PLCB1: variants seen among roughly 807,000 people sequenced by gnomAD.
PLCB1 encodes the protein phospholipase C beta 1.
PLCB1 carries 46 observed loss-of-function variants against 161.8 expected under a neutral mutation model. The observed-to-expected ratio is 0.28, with a 90% CI of 0.22 to 0.36. The LOEUF is 0.36. PLCB1 is among the 10% of genes least tolerant of loss of function. The pLI is 1.00. For synonymous variants in PLCB1, 517 were observed against 503.7 expected (o/e 1.03, Z -0.35); for missense variants, 1,016 against 1,472.5 (o/e 0.69, Z 5.07).
At chr20:8,138,729 G>A (rs1320992928) in intron 1 of PLCB1, among the ~76,000 whole-genome samples, 1 of 152,094 alleles carries the variant, frequency 6.6e-6, no homozygotes, top group African/African-American at 2.4e-5. Context: ...AACTGAAATA[G>A]GATATAAAGG....
At chr20:8,417,054 C>T (rs227884) in intron 3 of PLCB1, among the ~76,000 whole-genome samples, 14,960 of 37,448 alleles carry the variant, frequency 0.4, 2,025 homozygotes, top group African/African-American at 0.45. Context: ...CACACACACA[C>T]ATATATATAT....
chr20:8,626,977 A>G (rs553726437), intron 3 of PLCB1, among the ~76,000 whole-genome samples: 15 of 152,296 alleles, frequency 9.8e-5, no homozygotes, highest in South Asian at 2.1e-4. Flanking sequence ...TTATTTAATA[A>G]AACTTTTGAT....
intron 3 of PLCB1, among the ~76,000 whole-genome samples, chr20:8,416,945 C>G (rs1979302607): frequency 6.7e-6 from 1 of 148,538 alleles, no homozygotes; most frequent in East Asian, 2.0e-4. Context: ...CACACACACA[C>G]ACACACACAC....
At chr20:8,535,949 A>G (rs1985032483) in intron 3 of PLCB1, among the ~76,000 whole-genome samples, 1 of 151,906 alleles carries the variant, frequency 6.6e-6, no homozygotes, top group African/African-American at 2.4e-5. Flanking sequence ...CTTTTGTATA[A>G]ATTTTTAAAC....
chr20:8,266,884 C>A (rs1281948184), intron 2 of PLCB1, among the ~76,000 whole-genome samples: 1 of 151,992 alleles, frequency 6.6e-6, no homozygotes, highest in Non-Finnish European at 1.5e-5. Context: ...ACTAAAAATA[C>A]AAAAATTAGC....
intron 2 of PLCB1, among the ~76,000 whole-genome samples, chr20:8,192,095 T>C (rs555360451): frequency 6.6e-6 from 1 of 152,128 alleles, no homozygotes; most frequent in East Asian, 1.9e-4. Flanking sequence ...ATAAGTAATA[T>C]AGACAAGGCA....
intron 3 of PLCB1, among the ~76,000 whole-genome samples, chr20:8,605,624 T>C (rs2123155921): frequency 6.6e-6 from 1 of 151,304 alleles, no homozygotes; most frequent in Admixed American, 6.6e-5. Flanking sequence ...TTTTTTTTTT[T>C]TTTTAAAGAA....
chr20:8,446,762 C>T (rs1023427396), intron 3 of PLCB1, among the ~76,000 whole-genome samples: 6 of 152,156 alleles, frequency 3.9e-5, no homozygotes, highest in Admixed American at 3.9e-4. Context: ...GTTTAGTGTA[C>T]TACTCAGATT....
At chr20:8,605,287 A>G (rs1428431677) in intron 3 of PLCB1, among the ~76,000 whole-genome samples, 5 of 152,026 alleles carry the variant, frequency 3.3e-5, no homozygotes, top group African/African-American at 1.2e-4. Flanking sequence ...CCCTTACCAT[A>G]TCAGATTTTT....
chr20:8,832,632 T>A (rs1426143780), intron 31 of PLCB1, among the ~76,000 whole-genome samples: 3 of 152,148 alleles, frequency 2.0e-5, no homozygotes, highest in Non-Finnish European at 4.4e-5. Flanking sequence ...AGCCAGATTA[T>A]AGGAATCCCT....
At chr20:8,689,802 G>T (rs1386102901) in intron 10 of PLCB1, among the ~76,000 whole-genome samples, 1 of 150,670 alleles carries the variant, frequency 6.6e-6, no homozygotes, top group African/African-American at 2.4e-5. Flanking sequence ...AAACACAGAT[G>T]TGGTAAAAAA....
chr20:8,864,801 G>A (rs1987371675), intron 31 of PLCB1, among the ~76,000 whole-genome samples: 1 of 152,156 alleles, frequency 6.6e-6, no homozygotes, highest in Non-Finnish European at 1.5e-5. Context: ...TTTCTCTAAA[G>A]CCATTTACCC....
chr20:8,384,654 T>C (rs925158849), intron 3 of PLCB1, among the ~76,000 whole-genome samples: 2 of 152,194 alleles, frequency 1.3e-5, no homozygotes, highest in Middle Eastern at 3.2e-3. Context: ...CTCGTCTTTA[T>C]GAGTTTGTCT....
chr20:8,739,676 G>T (rs1280220516), intron 21 of PLCB1, among the ~76,000 whole-genome samples: 1 of 152,200 alleles, frequency 6.6e-6, no homozygotes, highest in Admixed American at 6.5e-5. Context: ...TGTGCTTCAG[G>T]TTCTGGGTTG....
intron 2 of PLCB1, among the ~76,000 whole-genome samples, chr20:8,344,860 G>A (rs189307319): frequency 5.1e-4 from 77 of 152,298 alleles, no homozygotes; most frequent in South Asian, 2.1e-4. Flanking sequence ...ATGTTTGAAC[G>A]TTCAGGACAG....
chr20:8,223,679 A>G (rs1397780202), intron 2 of PLCB1, among the ~76,000 whole-genome samples: 1 of 152,210 alleles, frequency 6.6e-6, no homozygotes, highest in Non-Finnish European at 1.5e-5. Context: ...AAATACTTGT[A>G]GAATTCAAAA....
intron 3 of PLCB1, among the ~76,000 whole-genome samples, chr20:8,419,637 GACTAAGAT>G (rs1979452726): frequency 6.6e-6 from 1 of 151,364 alleles, no homozygotes; most frequent in South Asian, 2.1e-4. Context: ...AGGTGGGCCA[GACTAAGAT>G]ACGATGCTCA....
intron 3 of PLCB1, among the ~76,000 whole-genome samples, chr20:8,373,770 T>C (rs184662548): frequency 1.6e-4 from 25 of 152,264 alleles, no homozygotes; most frequent in Admixed American, 5.9e-4. Flanking sequence ...CTCACTTAAT[T>C]TGGAAATGTT....
chr20:8,429,406 G>A (rs1979934219), intron 3 of PLCB1, among the ~76,000 whole-genome samples: 1 of 152,076 alleles, frequency 6.6e-6, no homozygotes, highest in African/African-American at 2.4e-5. Context: ...TGGCATTGTT[G>A]TCTATTGTGT....
Sources: allele counts gnomAD v4.1 joint callset (sites outside exome capture counted in the v4.1 genomes callset), GRCh38; gene constraint gnomAD v4.1.1; transcripts MANE v1.5; gene names NCBI Gene and HGNC (gene_info 2026-07-23, HGNC 2026-07-21).